Variants in PITHD1 observed in about 807,000 individuals in gnomAD.
The protein encoded by PITHD1 is PITH domain-containing protein 1.
Under a neutral mutation model 27.5 loss-of-function variants are expected in PITHD1, and 8 were observed. The ratio of observed to expected loss-of-function variants is 0.29; its 90% CI spans 0.17 to 0.52. The LOEUF is 0.52. Among genes scored for constraint, PITHD1 ranks in the 20% least tolerant of loss-of-function variants. PITHD1 has a pLI of 0.96. For missense variants in PITHD1, 233 were observed against 283.9 expected (o/e 0.82, Z 1.29); for synonymous variants, 118 against 106.8 (o/e 1.10, Z -0.64).
intron 3 of PITHD1, among the ~76,000 whole-genome samples, chr1:23,782,311 C>T (rs937643154): frequency 2.0e-5 from 3 of 151,808 alleles, no homozygotes; most frequent in Non-Finnish European, 2.9e-5. Context: ...CCCAGCTATT[C>T]GGGAGGCTGA....
At chr1:23,781,781 A>G (rs1314918745) in intron 3 of PITHD1, among the ~76,000 whole-genome samples, 5 of 152,156 alleles carry the variant, frequency 3.3e-5, no homozygotes, top group South Asian at 4.1e-4. Flanking sequence ...GATTTTCTAT[A>G]TCTAACATGG....
Position 23,788,032 on chromosome 1 carries a change from G to C in PITHD1, c.*656G>C, listed in dbSNP as rs971289935. The C allele has an allele frequency of 6.6e-6, 1 of 152,166 alleles. No homozygotes were observed. Among genetic ancestry groups the C allele is most frequent in the Non-Finnish European group, 1.5e-5 (1 of 68,068 alleles). 9.4% of individuals were successfully genotyped at this position (152,166 alleles called of 1,614,324 possible). On this transcript the variant is annotated 3_prime_UTR_variant, in exon 6 of 6. Transcript: ENST00000246151. The stretch of plus-strand genomic sequence containing the variant: ...GCTAAGCAGTCTGGGGAGAGCATGG[G>C]GATCATTTCTATGTGTGTGGGTAAT...
In PITHD1 at chr1:23,787,394, C is replaced by A; in HGVS notation, c.*18C>A. 1 of 1,343,762 alleles carries A rather than the reference C, an allele frequency of 7.4e-7. No individual in the cohort carries two copies. Among genetic ancestry groups the A allele is most frequent in the Non-Finnish European group, 1.1e-6 (1 of 935,736 alleles). 83.2% of individuals were successfully genotyped at this position (1,343,762 alleles called of 1,614,324 possible). A position where few individuals can be genotyped will look rare whatever the true frequency, so the allele number is the denominator to read the frequency against. ...TTTCCTAAGGGCTGGCCAAGGCTCC[C>A]ATAGAGGCGCTGTGTCAGTGAAGAT... On this transcript the variant is annotated 3_prime_UTR_variant, in exon 6 of 6. Transcript: ENST00000246151.
chr1:23,778,700 C>A lies in PITHD1; in HGVS notation c.185C>A (p.Thr62Asn). The change falls in exon 1 of 6, where the codon ACC (threonine) becomes AAC (asparagine). Residue 62 changes from threonine to asparagine, a missense_variant. Coordinates refer to ENST00000246151, the MANE Select transcript of PITHD1 (RefSeq NM_020362.5). Reference sequence around the variant, plus strand: ...GTCTTCAAGCCGTGGGAGGAGCGGACCGACCGCTCCAAGGTGGGCCGCCTG... The same window carrying A: ...GTCTTCAAGCCGTGGGAGGAGCGGAACGACCGCTCCAAGGTGGGCCGCCTG... ...RGVFKPWEER[T>N]DRSKFVESDA... 1 of 1,298,868 alleles carries A rather than the reference C, an allele frequency of 7.7e-7. No homozygotes were observed. Among genetic ancestry groups the A allele is most frequent in the African/African-American group, 1.5e-5 (1 of 65,316 alleles). The allele number at this position is 1,298,868 out of a possible 1,614,324, so 80.5% of individuals were successfully genotyped here.
chr1:23,778,772 C>A (rs1314088345), intron 1 of PITHD1, 59 bp downstream of exon 1: 2 of 1,004,928 alleles, frequency 2.0e-6, no homozygotes, highest in Non-Finnish European at 1.3e-6. Flanking sequence ...CTCGGGCCGT[C>A]GGTCTACTCA....
At chr1:23,781,880 C>A (rs1016992788) in intron 3 of PITHD1, among the ~76,000 whole-genome samples, 2 of 152,094 alleles carry the variant, frequency 1.3e-5, no homozygotes, top group African/African-American at 4.8e-5. Flanking sequence ...AGGTCTGGAA[C>A]ACAGTAAGTG....
At chr1:23,781,945 C>T (rs1638606572) in intron 3 of PITHD1, among the ~76,000 whole-genome samples, 2 of 152,036 alleles carry the variant, frequency 1.3e-5, no homozygotes, top group South Asian at 4.1e-4. Context: ...AAGCACACTA[C>T]ATATATTATA....
chr1:23,779,305 A>C (rs1403447466), intron 1 of PITHD1, 133 bp from the exon 2 acceptor site: 1 of 712,194 alleles, frequency 1.4e-6, no homozygotes, highest in Non-Finnish European at 2.5e-6. Context: ...CAAGTTAATA[A>C]GTCTTGGAAA....
intron 3 of PITHD1, among the ~76,000 whole-genome samples, chr1:23,782,423 GAA>G (rs796360932): frequency 7.7e-6 from 1 of 129,592 alleles, no homozygotes; most frequent in Admixed American, 7.9e-5. Context: ...TGTCTCAAAA[GAA>G]AAAAAAAAAA....
rs775378415 is a variant in PITHD1 at position 23,778,655 on chromosome 1, G to T, written c.140G>T (p.Arg47Leu). 4.5e-5 allele frequency: 60 copies of T among 1,326,144 alleles called. No homozygotes were observed. Among genetic ancestry groups the T allele is most frequent in the Non-Finnish European group, 5.3e-5 (55 of 1,038,804 alleles). The allele number at this position is 1,326,144 out of a possible 1,614,324, so 82.1% of individuals were successfully genotyped here. ...CGGCTGCAATGCCTTAACGAGAGCC[G>T]CGAGGGCAGCGGCCGCGGCGTCTTC... ...LERLQCLNES[R>L]EGSGRGVFKP... Residue 47 changes from arginine (R) to leucine (L), a missense_variant, in exon 1 of 6, where the codon CGC (arginine) becomes CTC (leucine). Transcript: ENST00000246151.
rs962297128 is a variant in PITHD1 at position 23,778,425 on chromosome 1, G to A, written c.-91G>A. On this transcript the variant is annotated 5_prime_UTR_variant, in exon 1 of 6. Coordinates refer to ENST00000246151, the MANE Select transcript of PITHD1 (RefSeq NM_020362.5). ...GGCAGGCGCGGCGCGCTTAGTTGCC[G>A]GAGCTGAACGGCGCGGAGCTGGTCT... is the stretch of plus-strand genomic sequence containing the variant. 6 of 905,548 alleles carry A rather than the reference G, an allele frequency of 6.6e-6. No individual in the cohort carries two copies. The African/African-American group carries it at 7.0e-5, about 11-fold the overall frequency. 56.1% of individuals were successfully genotyped at this position (905,548 alleles called of 1,614,324 possible). A position where few individuals can be genotyped will look rare whatever the true frequency, so the allele number is the denominator to read the frequency against.
At position 23,787,176 on chromosome 1, in the gene PITHD1, C is replaced by T. The variant is rs547439557; in HGVS notation, c.535-99C>T. 355 of 696,084 alleles carry T rather than the reference C, an allele frequency of 5.1e-4. 2 individuals are homozygous for T. In the African/African-American group the frequency reaches 5.9e-3, roughly 11 times the overall value. 43.1% of individuals were successfully genotyped at this position (696,084 alleles called of 1,614,324 possible). On this transcript the variant is annotated intron_variant, in intron 5 of 5. Coordinates refer to ENST00000246151, the MANE Select transcript of PITHD1 (RefSeq NM_020362.5). ...AATAAGGAGATATTAAATGATGACT[C>T]CTAGAAATGAACCTGAATAAGGACT... is the stretch of plus-strand genomic sequence containing the variant.
rs2148398242 is a variant in PITHD1 at position 23,778,581 on chromosome 1, C to T, written c.66C>T (p.Pro22=). 2 of 1,341,246 alleles carry T rather than the reference C, an allele frequency of 1.5e-6. No homozygotes were observed. The highest frequency in any genetic ancestry group is 3.8e-5 in the South Asian group (2 of 52,794). 83.1% of individuals were successfully genotyped at this position (1,341,246 alleles called of 1,614,324 possible). The change falls in exon 1 of 6, where the codon CCC becomes CCT. Residue 22 remains proline, a synonymous_variant. Transcript: ENST00000246151. The part of the protein sequence containing the change: ...CRCAAEREEP[P]EQRGLAYGLY... ...GCGCCGCCGAACGGGAGGAGCCGCCCGAGCAGCGCGGCCTGGCCTACGGCC... is the reference window on the plus strand; with the variant it reads ...GCGCCGCCGAACGGGAGGAGCCGCCTGAGCAGCGCGGCCTGGCCTACGGCC...
intron 3 of PITHD1, among the ~76,000 whole-genome samples, 163 bp from the exon 4 acceptor site, chr1:23,785,512 A>G (rs901889607): frequency 4.0e-5 from 6 of 151,248 alleles, no homozygotes; most frequent in African/African-American, 1.2e-4. Context: ...AAAAAAAAAG[A>G]TATTTGGAGA....
intron 3 of PITHD1, 22 bp from the exon 4 acceptor site, chr1:23,785,653 T>C: frequency 1.3e-6 from 2 of 1,486,264 alleles, no homozygotes; most frequent in Non-Finnish European, 1.9e-6. Flanking sequence ...TTTCTTGACT[T>C]TTCTTTCCTT....
intron 3 of PITHD1, 69 bp downstream of exon 3, chr1:23,780,010 G>T: frequency 1.1e-6 from 1 of 934,314 alleles, no homozygotes; most frequent in Non-Finnish European, 1.6e-6. Context: ...TTTTATTCCA[G>T]AATAGTATCA....
At chr1:23,785,625 G>T in intron 3 of PITHD1, 50 bp from the exon 4 acceptor site, 2 of 1,220,930 alleles carry the variant, frequency 1.6e-6, no homozygotes, top group South Asian at 1.2e-5. Context: ...TTGAAAACCT[G>T]AAACGTGATA....
chr1:23,779,847 CT>C lies in PITHD1; in HGVS notation c.243-13del. 6.2e-7 allele frequency: 1 copy of C among 1,606,814 alleles called. No individual in the cohort carries two copies. The highest frequency in any genetic ancestry group is 8.5e-7 in the Non-Finnish European group (1 of 1,173,346). On this transcript the variant is annotated splice_polypyrimidine_tract_variant and intron_variant, in intron 2 of 5. Coordinates refer to ENST00000246151, the MANE Select transcript of PITHD1 (RefSeq NM_020362.5). Reference sequence around the variant, plus strand: ...TCAAACTCAGGTTTGACAACCTTCTCTTTTGCATTCTGGCAGATTTACGGGC... The same window carrying C: ...TCAAACTCAGGTTTGACAACCTTCTCTTTGCATTCTGGCAGATTTACGGGC...
intron 3 of PITHD1, among the ~76,000 whole-genome samples, chr1:23,783,421 GTATA>G (rs1638637357): frequency 3.4e-5 from 4 of 118,748 alleles, no homozygotes; most frequent in Admixed American, 9.0e-5. Flanking sequence ...ATATATATGC[GTATA>G]TATACGTGTG....
Sources: allele counts gnomAD v4.1 joint callset (sites outside exome capture counted in the v4.1 genomes callset), GRCh38; gene constraint gnomAD v4.1.1; transcripts MANE v1.5; gene names NCBI Gene and HGNC (gene_info 2026-07-23, HGNC 2026-07-21).